Variants in SUPT16H observed in about 807,000 individuals in gnomAD.
SUPT16H encodes FACT complex subunit SPT16.
In SUPT16H, 24 loss-of-function variants were observed where a neutral mutation model predicts 136.2. The observed-to-expected ratio is 0.18, with a 90% CI of 0.13 to 0.25. The LOEUF is 0.25. Ranked by LOEUF, SUPT16H falls within the 10% of genes least tolerant of loss-of-function variation. SUPT16H has a pLI of 1.00. For missense variants in SUPT16H, 623 were observed against 1,270.2 expected, an observed-to-expected ratio of 0.49 and a Z score of 7.74; for synonymous variants, 415 against 428.2, an observed-to-expected ratio of 0.97 and a Z score of 0.38.
chr14:21,362,757 C>T lies in SUPT16H; in HGVS notation c.1665+37G>A, dbSNP rs74453740. 3,993 of 1,558,236 alleles carry T rather than the reference C, an allele frequency of 2.6e-3. 103 individuals are homozygous for T. In the African/African-American group the frequency reaches 0.049, roughly 19 times the overall value. ...CAAATACAATTACTATTTTAAGCAA[C>T]AGTTTGGATGAAACCTGATGCACTG... On this transcript the variant is annotated intron_variant, in intron 14 of 25. Coordinates refer to ENST00000216297, the MANE Select transcript of SUPT16H (RefSeq NM_007192.4).
At chr14:21,377,597 G>A (rs1346117232) in intron 1 of SUPT16H, among the ~76,000 whole-genome samples, 1 of 146,380 alleles carries the variant, frequency 6.8e-6, no homozygotes, top group African/African-American at 2.5e-5. Flanking sequence ...TTTTGCATGG[G>A]GTTACAGTGG....
In SUPT16H at chr14:21,353,716, T is replaced by C. The variant is rs745786080; in HGVS notation, c.2907A>G (p.Glu969=). 8.7e-6 allele frequency: 14 copies of C among 1,613,584 alleles called. No individual in the cohort carries two copies. The South Asian group carries it at 1.5e-4, about 18-fold the overall frequency. ...EEDSDEDYSS[E]AEESDYSKES... ...TGTAAGACTAACCTGACTCTTCTGCTTCTGATGAATAATCTTCATCACTGT... is the reference window on the plus strand; with the variant it reads ...TGTAAGACTAACCTGACTCTTCTGCCTCTGATGAATAATCTTCATCACTGT... The change falls in exon 24 of 26, where the codon GAA becomes GAG. Residue 969 remains glutamate, a synonymous_variant. Transcript: ENST00000216297.
chr14:21,353,245 G>A (rs1278611820), intron 25 of SUPT16H, among the ~76,000 whole-genome samples: 2 of 152,182 alleles, frequency 1.3e-5, no homozygotes, highest in Non-Finnish European at 2.9e-5. Context: ...AGGAAAGATG[G>A]GGGCTTGCGC....
intron 5 of SUPT16H, 31 bp from the exon 6 acceptor site, chr14:21,369,386 T>A (rs768597716): frequency 6.2e-7 from 1 of 1,613,472 alleles, no homozygotes; most frequent in Non-Finnish European, 8.5e-7. Flanking sequence ...AAAGTAACAC[T>A]TACTAGAGGG....
chr14:21,356,548 C>T (rs1317270966), intron 22 of SUPT16H, among the ~76,000 whole-genome samples: 1 of 152,110 alleles, frequency 6.6e-6, no homozygotes, highest in Admixed American at 6.5e-5. Flanking sequence ...ATCCAACTAA[C>T]TTGACTGCAT....
Position 21,358,421 on chromosome 14 carries a change from G to A in SUPT16H, c.2308C>T (p.Arg770Ter). The change falls in exon 20 of 26, where the codon CGA (arginine) becomes TGA (stop). Residue 770 changes from arginine (R) to a stop codon, truncating the protein, a stop_gained. Coordinates refer to ENST00000216297, the MANE Select transcript of SUPT16H (RefSeq NM_007192.4). LOFTEE classifies it high-confidence loss of function. ...GTTTTCAGTTTGTGCCTCATTTCTC[G>A]TTCCATCTGTAGAAGAAAAAAATAT... ...RDDLYAEQMEREMRHKLKTAF... is the reference protein window; with the variant it reads ...RDDLYAEQME The A allele has an allele frequency of 6.2e-7, 1 of 1,610,472 alleles. No homozygotes were observed. The highest frequency in any genetic ancestry group is 8.5e-7 in the Non-Finnish European group (1 of 1,177,810).
chr14:21,379,060 A>G (rs1886964338), intron 1 of SUPT16H, among the ~76,000 whole-genome samples: 1 of 152,206 alleles, frequency 6.6e-6, no homozygotes, highest in South Asian at 2.1e-4. Context: ...ATACCCATAT[A>G]ATCAGTTACC....
At chr14:21,365,793 C>CA (rs57467633) in intron 8 of SUPT16H, among the ~76,000 whole-genome samples, 15 of 150,400 alleles carry the variant, frequency 1.0e-4, no homozygotes, top group East Asian at 3.9e-4. Flanking sequence ...AAAACCAAAA[C>CA]AAAAAAAAAC....
chr14:21,363,230 T>A lies in SUPT16H; in HGVS notation c.1395+3A>T, dbSNP rs764377944. 1.2e-6 allele frequency: 2 copies of A among 1,614,182 alleles called. No individual in the cohort carries two copies. The highest frequency in any genetic ancestry group is 1.1e-5 in the South Asian group (1 of 91,072). The stretch of plus-strand genomic sequence containing the variant: ...TCAATGTAATTTAAAATAGTAAACT[T>A]ACTCTTGTTCTTTCTGTAAGTAATG... On this transcript the variant is annotated splice_donor_region_variant and intron_variant, in intron 12 of 25. Coordinates refer to ENST00000216297, the MANE Select transcript of SUPT16H (RefSeq NM_007192.4).
chr14:21,375,519 CATTTT>C (rs1849968979), intron 1 of SUPT16H, among the ~76,000 whole-genome samples: 1 of 151,818 alleles, frequency 6.6e-6, no homozygotes, highest in Non-Finnish European at 1.5e-5. Flanking sequence ...CCATTCTGTG[CATTTT>C]ATTTTCACTT....
Position 21,383,980 on chromosome 14 carries a change from T to G in SUPT16H, c.-53A>C. On this transcript the variant is annotated 5_prime_UTR_variant, in exon 1 of 26. Coordinates refer to ENST00000216297, the MANE Select transcript of SUPT16H (RefSeq NM_007192.4). ...TCCGAGAATCACGCGAGGTCCCGGCTCAGCCACCCGCTCTCGGCCCAGGAA... is the reference window on the plus strand; with the variant it reads ...TCCGAGAATCACGCGAGGTCCCGGCGCAGCCACCCGCTCTCGGCCCAGGAA... 2 of 1,605,672 alleles carry G rather than the reference T, an allele frequency of 1.2e-6. No individual in the cohort carries two copies. The highest frequency in any genetic ancestry group is 3.3e-5 in the Admixed American group (2 of 60,000).
intron 1 of SUPT16H, among the ~76,000 whole-genome samples, chr14:21,374,327 G>T (rs1886853535): frequency 6.6e-6 from 1 of 152,206 alleles, no homozygotes; most frequent in South Asian, 2.1e-4. Context: ...TGTCCTTTCT[G>T]GCTGATGGAG....
intron 1 of SUPT16H, among the ~76,000 whole-genome samples, chr14:21,379,273 G>A (rs765271350): frequency 6.6e-6 from 1 of 150,950 alleles, no homozygotes; most frequent in Non-Finnish European, 1.5e-5. Context: ...CCATCTCTAC[G>A]AAAAATACAA....
chr14:21,368,401 T>C lies in SUPT16H; in HGVS notation c.823A>G (p.Met275Val). 1 of 1,613,948 alleles carries C rather than the reference T, an allele frequency of 6.2e-7. No homozygotes were observed. The highest frequency in any genetic ancestry group is 8.5e-7 in the Non-Finnish European group (1 of 1,179,940). ...HMHFGAITCAMGIRFKSYCSN... is the reference protein window; with the variant it reads ...HMHFGAITCAVGIRFKSYCSN... Reference sequence around the variant, plus strand: ...CAGTAAGACTTGAAGCGAATACCCATGGCACAAGTGATAGCCCCAAAGTGC... The same window carrying C: ...CAGTAAGACTTGAAGCGAATACCCACGGCACAAGTGATAGCCCCAAAGTGC... Residue 275 changes from methionine (M) to valine (V), a missense_variant, in exon 7 of 26, where the codon ATG (methionine) becomes GTG (valine). By Grantham distance (21) the Met-to-Val change is conservative. Coordinates refer to ENST00000216297, the MANE Select transcript of SUPT16H (RefSeq NM_007192.4).
chr14:21,379,731 A>G (rs1886980818), intron 1 of SUPT16H, among the ~76,000 whole-genome samples: 1 of 152,022 alleles, frequency 6.6e-6, no homozygotes, highest in Non-Finnish European at 1.5e-5. Flanking sequence ...AATAATAATA[A>G]AAATTGGTCA....
At chr14:21,376,987 C>T (rs1886915204) in intron 1 of SUPT16H, among the ~76,000 whole-genome samples, 1 of 149,934 alleles carries the variant, frequency 6.7e-6, no homozygotes, top group Non-Finnish European at 1.5e-5. Flanking sequence ...GCAGGAGAAT[C>T]TCTTGAACCT....
rs567389614 is a variant in SUPT16H, at chr14:21,379,521, C to T, written c.66+4341G>A. The stretch of plus-strand genomic sequence containing the variant: ...AAAAAAAAATCTCAATCCATCTGGG[C>T]ATTTATTTCCATCTAACCCTCCTTA... On this transcript the variant is annotated intron_variant, in intron 1 of 25. Coordinates refer to ENST00000216297, the MANE Select transcript of SUPT16H (RefSeq NM_007192.4). Among the ~76,000 whole-genome samples, 4 of 151,550 alleles carry T rather than the reference C, an allele frequency of 2.6e-5. 1 individual carries two copies. The highest frequency in any genetic ancestry group is 9.7e-5 in the African/African-American group (4 of 41,322).
chr14:21,353,908 T>C (rs1312917263), intron 23 of SUPT16H, 76 bp from the exon 24 acceptor site: 26 of 1,404,644 alleles, frequency 1.9e-5, no homozygotes, highest in East Asian at 4.6e-5. Context: ...TCAGCCCACA[T>C]AGTATACCAG....
At chr14:21,367,215 G>C (rs1405530150) in intron 7 of SUPT16H, among the ~76,000 whole-genome samples, 1 of 152,184 alleles carries the variant, frequency 6.6e-6, no homozygotes, top group Non-Finnish European at 1.5e-5. Flanking sequence ...ACAGGCTTGA[G>C]CCACCATACC....
Sources: allele counts gnomAD v4.1 joint callset (sites outside exome capture counted in the v4.1 genomes callset), GRCh38; gene constraint gnomAD v4.1.1; transcripts MANE v1.5; gene names NCBI Gene and HGNC (gene_info 2026-07-23, HGNC 2026-07-21).